Variants in TBC1D22A observed in about 807,000 individuals in gnomAD.
TBC1D22A encodes TBC1 domain family member 22A.
Under a neutral mutation model 60.2 loss-of-function variants are expected in TBC1D22A, and 38 were observed. The observed-to-expected ratio is 0.63, with a 90% CI of 0.49 to 0.83. The LOEUF is 0.83. TBC1D22A is among the 40% of genes least tolerant of loss of function. The pLI, the probability that TBC1D22A is intolerant of heterozygous loss-of-function variation, is 0.00. For synonymous variants in TBC1D22A, 302 were observed against 281.7 expected, an observed-to-expected ratio of 1.07 and a Z score of -0.72; for missense variants, 628 against 701.0, an observed-to-expected ratio of 0.90 and a Z score of 1.18.
chr22:47,152,288 C>T (rs912696164), intron 12 of TBC1D22A, among the ~76,000 whole-genome samples: 5 of 152,222 alleles, frequency 3.3e-5, no homozygotes, highest in African/African-American at 1.2e-4. Context: ...ACTGGGTCAG[C>T]GCAGTGGATT....
At chr22:46,874,488 G>T (rs1424635395) in intron 4 of TBC1D22A, among the ~76,000 whole-genome samples, 1 of 146,514 alleles carries the variant, frequency 6.8e-6, no homozygotes, top group Non-Finnish European at 1.5e-5. Context: ...TCTCATTGTG[G>T]TTTTGATTTG....
intron 10 of TBC1D22A, among the ~76,000 whole-genome samples, chr22:47,032,040 A>G (rs941121815): frequency 3.3e-5 from 5 of 152,186 alleles, no homozygotes; most frequent in Non-Finnish European, 7.4e-5. Context: ...GAAAGATGTC[A>G]CCTGCTTCCC....
At position 47,146,456 on chromosome 22, in the gene TBC1D22A, A is replaced by T. The variant is rs566349517; in HGVS notation, c.1426-27042A>T. Among the ~76,000 whole-genome samples the T allele has an allele frequency of 2.6e-4, 39 of 152,328 alleles. No homozygotes were observed. The South Asian group carries it at 7.0e-3, about 27-fold the overall frequency. On this transcript the variant is annotated intron_variant, in intron 12 of 12. Coordinates refer to ENST00000337137, the MANE Select transcript of TBC1D22A (RefSeq NM_014346.5). The stretch of plus-strand genomic sequence containing the variant: ...ATAAGCTTTATTCCCGAAGAGAGAA[A>T]GCCCAGACCCGTGGCTCCTTTGGGC...
chr22:47,132,292 G>T (rs945088085), intron 12 of TBC1D22A, among the ~76,000 whole-genome samples: 2 of 152,146 alleles, frequency 1.3e-5, no homozygotes, highest in African/African-American at 4.8e-5. Flanking sequence ...GTGCCACCCC[G>T]TTCTTCTGGG....
chr22:47,077,407 C>T (rs1603241809), intron 11 of TBC1D22A, among the ~76,000 whole-genome samples: 1 of 152,174 alleles, frequency 6.6e-6, no homozygotes, highest in Admixed American at 6.5e-5. Flanking sequence ...AACCTGTGAT[C>T]CCAGGTTGCT....
At chr22:47,159,331 A>ACACACACACCATGTACACACACAC (rs59822928) in intron 12 of TBC1D22A, among the ~76,000 whole-genome samples, 28,376 of 77,242 alleles carry the variant, frequency 0.37, 3,350 homozygotes, top group African/African-American at 0.42. Context: ...ACACATGTAT[A>ACACACACACCATGTACACACACAC]CACACACACC....
chr22:46,989,758 G>GTC (rs1047320410), intron 9 of TBC1D22A, among the ~76,000 whole-genome samples: 1 of 109,026 alleles, frequency 9.2e-6, no homozygotes, highest in Non-Finnish European at 1.8e-5. Flanking sequence ...ATGTGACAGA[G>GTC]TCACACACAC....
chr22:46,998,274 G>A (rs8136379), intron 10 of TBC1D22A, among the ~76,000 whole-genome samples: 2,687 of 152,204 alleles, frequency 0.018, 70 homozygotes, highest in African/African-American at 0.061. Context: ...CAATAGCAGA[G>A]TTTAATTAAA....
Position 46,958,856 on chromosome 22 carries a change from C to T in TBC1D22A, c.1016-15434C>T, listed in dbSNP as rs751806381. ...TTGAATGTGCTCCTGCCTAGGCCTG[C>T]GGTTCCTGAAACAGAGCAGCAGCCT... On this transcript the variant is annotated intron_variant, in intron 8 of 12. Transcript: ENST00000337137. 3.3e-5 allele frequency among the ~76,000 whole-genome samples: 5 copies of T among 152,192 alleles called. No homozygotes were observed. In the South Asian group the frequency reaches 6.2e-4, roughly 19 times the overall value.
chr22:47,138,749 A>G (rs1038676741), intron 12 of TBC1D22A, among the ~76,000 whole-genome samples: 2 of 152,216 alleles, frequency 1.3e-5, no homozygotes, highest in African/African-American at 2.4e-5. Flanking sequence ...CGGGGAGGCC[A>G]TAATCAAGGC....
intron 10 of TBC1D22A, among the ~76,000 whole-genome samples, chr22:47,002,574 T>G (rs570634838): frequency 8.5e-5 from 13 of 152,412 alleles, no homozygotes; most frequent in Admixed American, 5.9e-4. Context: ...TGTGTCCATT[T>G]GATTATGTCC....
rs370772581 is a variant in TBC1D22A at position 47,105,762 on chromosome 22, C to G, written c.1330-5746C>G. Among the ~76,000 whole-genome samples, 6 of 152,236 alleles carry G rather than the reference C, an allele frequency of 3.9e-5. No homozygotes were observed. In the South Asian group the frequency reaches 8.3e-4, roughly 21 times the overall value. ...AGCAAATATAGGTTTCCCACCCCCC[C>G]ACTCCCCAAAGAAAAGCCTCAAAGA... On this transcript the variant is annotated intron_variant, in intron 11 of 12. Coordinates refer to ENST00000337137, the MANE Select transcript of TBC1D22A (RefSeq NM_014346.5).
intron 9 of TBC1D22A, among the ~76,000 whole-genome samples, chr22:46,992,111 CCTGT>C (rs370200534): frequency 7.6e-4 from 116 of 152,358 alleles, no homozygotes; most frequent in African/African-American, 2.6e-3. Context: ...CACTTTTCTC[CCTGT>C]CTGTGTCAGG....
Position 46,793,544 on chromosome 22 carries a change from G to A in TBC1D22A, c.163G>A (p.Ala55Thr). ...CAAGATGCCGACCACACCAGTGAAG[G>A]CCAAGAGGGTCAGCACCTTCCAGGA... The part of the protein sequence containing the change: ...TAKMPTTPVK[A>T]KRVSTFQEFE... Residue 55 changes from alanine to threonine, a missense_variant, in exon 3 of 13, where the codon GCC becomes ACC. By Grantham distance (58) the Ala-to-Thr change is moderately conservative. Coordinates refer to ENST00000337137, the MANE Select transcript of TBC1D22A (RefSeq NM_014346.5). The A allele has an allele frequency of 6.2e-7, 1 of 1,614,168 alleles. No individual in the cohort carries two copies. Among genetic ancestry groups the A allele is most frequent in the Non-Finnish European group, 8.5e-7 (1 of 1,180,046 alleles).
At chr22:47,018,954 T>C (rs2061991177) in intron 10 of TBC1D22A, among the ~76,000 whole-genome samples, 2 of 152,172 alleles carry the variant, frequency 1.3e-5, no homozygotes, top group South Asian at 4.1e-4. Context: ...CCTGTCAGCA[T>C]AGCACTCACT....
At chr22:46,790,976 G>A (rs1022854106) in intron 1 of TBC1D22A, among the ~76,000 whole-genome samples, 2 of 152,228 alleles carry the variant, frequency 1.3e-5, no homozygotes, top group Non-Finnish European at 2.9e-5. Context: ...AGATTGGAGT[G>A]CAGTGGTGCA....
chr22:46,888,205 T>C (rs1242564704), intron 5 of TBC1D22A, among the ~76,000 whole-genome samples: 2 of 152,202 alleles, frequency 1.3e-5, no homozygotes, highest in African/African-American at 4.8e-5. Context: ...TCAGTCATGG[T>C]GGCTGGAAGA....
intron 4 of TBC1D22A, among the ~76,000 whole-genome samples, chr22:46,836,975 A>C (rs112739714): frequency 0.073 from 11,023 of 150,590 alleles, 571 homozygotes; most frequent in Non-Finnish European, 0.11. Context: ...CCTGGGCAAC[A>C]TAGGGAGATC....
intron 8 of TBC1D22A, among the ~76,000 whole-genome samples, chr22:46,952,370 G>A (rs930134751): frequency 2.9e-5 from 4 of 138,774 alleles, no homozygotes; most frequent in Non-Finnish European, 3.2e-5. Flanking sequence ...TTCATCCTGC[G>A]TTCTCCACTC....
Sources: allele counts gnomAD v4.1 joint callset (sites outside exome capture counted in the v4.1 genomes callset), GRCh38; gene constraint gnomAD v4.1.1; transcripts MANE v1.5; gene names NCBI Gene and HGNC (gene_info 2026-07-23, HGNC 2026-07-21).